Variants in BCAS3 observed in about 807,000 individuals in gnomAD.
The protein encoded by BCAS3 is BCAS3 microtubule associated cell migration factor, also known as BCAS4/BCAS3 fusion.
BCAS3 carries 53 observed loss-of-function variants against 116.1 expected under a neutral mutation model. That is an observed-to-expected ratio of 0.46 (90% CI 0.37 to 0.57). The LOEUF (loss-of-function observed/expected upper bound fraction) is 0.57, where lower values mean the gene tolerates loss of function less well. Ranked by LOEUF, BCAS3 falls within the 20% of genes least tolerant of loss-of-function variation. The probability of loss-of-function intolerance (pLI) is 0.00; values close to 1 mark genes in which losing one functional copy is unlikely to be tolerated. For synonymous variants in BCAS3, 391 were observed against 408.2 expected, an observed-to-expected ratio of 0.96 and a Z score of 0.51; for missense variants, 917 against 1,165.4, an observed-to-expected ratio of 0.79 and a Z score of 3.10.
At chr17:60,776,410 A>G (rs191614791) in intron 6 of BCAS3, among the ~76,000 whole-genome samples, 237 of 152,216 alleles carry the variant, frequency 1.6e-3, no homozygotes, top group African/African-American at 5.3e-3. Flanking sequence ...TCCTTCTTTA[A>G]CCTATCTTAT....
chr17:61,216,777 C>G (rs1373913704), intron 22 of BCAS3, among the ~76,000 whole-genome samples: 1 of 151,338 alleles, frequency 6.6e-6, no homozygotes, highest in Non-Finnish European at 1.5e-5. Context: ...CTCCTGACCT[C>G]AGGATCCACC....
Position 60,689,682 on chromosome 17 carries a change from G to A in BCAS3, c.139-4G>A. 1.3e-6 allele frequency: 2 copies of A among 1,582,202 alleles called. No homozygotes were observed. The highest frequency in any genetic ancestry group is 1.7e-6 in the Non-Finnish European group (2 of 1,156,054). On this transcript the variant is annotated splice_polypyrimidine_tract_variant and splice_region_variant and intron_variant, in intron 3 of 23. Transcript: ENST00000407086. Reference sequence around the variant, plus strand: ...TTATTCAAATGTTTCTGTTTACTATGCAGGCTTACAGTGGAACACCTCTAA... The same window carrying A: ...TTATTCAAATGTTTCTGTTTACTATACAGGCTTACAGTGGAACACCTCTAA...
intron 22 of BCAS3, among the ~76,000 whole-genome samples, chr17:61,207,838 A>G (rs2081233635): frequency 6.6e-6 from 1 of 152,186 alleles, no homozygotes; most frequent in Admixed American, 6.5e-5. Flanking sequence ...TAAGAGAAAT[A>G]AGGTACATAT....
chr17:60,909,636 G>A (rs1375682834), intron 11 of BCAS3, among the ~76,000 whole-genome samples: 2 of 151,914 alleles, frequency 1.3e-5, no homozygotes, highest in Non-Finnish European at 2.9e-5. Flanking sequence ...CTTTATTTTA[G>A]CTTTCTTCCT....
chr17:61,238,167 C>T (rs1602108110), intron 22 of BCAS3, among the ~76,000 whole-genome samples: 1 of 152,172 alleles, frequency 6.6e-6, no homozygotes, highest in Middle Eastern at 3.4e-3. Context: ...ATTTTCCTAC[C>T]TCAGCCTCCT....
chr17:61,045,865 AAATATATATAAATATATAT>A (rs2068039845), intron 19 of BCAS3, among the ~76,000 whole-genome samples: 1 of 3,964 alleles, frequency 2.5e-4, no homozygotes, highest in African/African-American at 8.8e-4. Context: ...ATATATATAT[AAATATATATAAATATATAT>A]TATATATATA....
chr17:61,263,731 T>C (rs1190891035), intron 22 of BCAS3, among the ~76,000 whole-genome samples: 1 of 152,214 alleles, frequency 6.6e-6, no homozygotes, highest in Non-Finnish European at 1.5e-5. Context: ...TATTAACATG[T>C]ATTATAAAGC....
At chr17:60,697,931 G>A (rs1395109820) in intron 4 of BCAS3, among the ~76,000 whole-genome samples, 1 of 152,170 alleles carries the variant, frequency 6.6e-6, no homozygotes, top group Non-Finnish European at 1.5e-5. Context: ...TGTAATCCCA[G>A]CACTTTGGGA....
chr17:61,220,524 G>A lies in BCAS3; in HGVS notation c.2425+135960G>A, dbSNP rs1258582071. ...TAATGACTTAAAACTTCAAATTTTA[G>A]GATTAAACAGAATGGATATCCACTC... On this transcript the variant is annotated intron_variant, in intron 22 of 23. Coordinates refer to ENST00000407086, the MANE Select transcript of BCAS3 (RefSeq NM_017679.5). This position sits in a 1 kb window ranked among gnomAD's most constrained non-coding sequence, Gnocchi z 4.5. 6.6e-6 allele frequency among the ~76,000 whole-genome samples: 1 copy of A among 152,082 alleles called. No individual in the cohort carries two copies. Among genetic ancestry groups the A allele is most frequent in the East Asian group, 1.9e-4 (1 of 5,180 alleles).
intron 2 of BCAS3, among the ~76,000 whole-genome samples, chr17:60,682,023 C>G (rs139139030): frequency 6.6e-6 from 1 of 152,140 alleles, no homozygotes; most frequent in Non-Finnish European, 1.5e-5. Flanking sequence ...AGCCACCGCG[C>G]CCGGCCTAAT....
intron 5 of BCAS3, among the ~76,000 whole-genome samples, chr17:60,712,344 C>A (rs1306741704): frequency 1.3e-5 from 2 of 151,512 alleles, no homozygotes; most frequent in East Asian, 1.9e-4. Flanking sequence ...CCACTGCACT[C>A]CAGCCTGGGT....
At chr17:61,147,177 C>T (rs892615555) in intron 22 of BCAS3, among the ~76,000 whole-genome samples, 3 of 152,044 alleles carry the variant, frequency 2.0e-5, no homozygotes, top group African/African-American at 4.8e-5. Flanking sequence ...CAGGTTCAAG[C>T]GATTCTCGTG....
rs374270128 is a variant in BCAS3 at position 61,298,822 on chromosome 17, A to AT, written c.2426-69503dup. On this transcript the variant is annotated intron_variant, in intron 22 of 23. Coordinates refer to ENST00000407086, the MANE Select transcript of BCAS3 (RefSeq NM_017679.5). Reference sequence around the variant, plus strand: ...TATTTATTTATTTATTTATTTATTTATTATTATTATTATTATTTGAGATGG... The same window carrying AT: ...TATTTATTTATTTATTTATTTATTTATTTATTATTATTATTATTTGAGATGG... 4.1e-3 allele frequency among the ~76,000 whole-genome samples: 560 copies of AT among 135,046 alleles called. 3 individuals are homozygous for AT. The highest frequency in any genetic ancestry group is 0.02 in the Middle Eastern group (5 of 254). The allele number at this position is 135,046 out of a possible 152,430, so 88.6% of individuals were successfully genotyped here.
At chr17:60,779,992 ATTTTTTT>A (rs531877992) in intron 6 of BCAS3, among the ~76,000 whole-genome samples, 2 of 143,952 alleles carry the variant, frequency 1.4e-5, no homozygotes, top group East Asian at 4.0e-4. Flanking sequence ...ACTATTTTTA[ATTTTTTT>A]TTTTTTTTGA....
chr17:61,128,250 C>T lies in BCAS3; in HGVS notation c.2425+43686C>T, dbSNP rs2076148742. ...ATGAAGCCCATGCAATGAGGACAGC[C>T]TAGGCCGTGTTAGGCTTTGACTTAA... is the stretch of plus-strand genomic sequence containing the variant. On this transcript the variant is annotated intron_variant, in intron 22 of 23. Transcript: ENST00000407086. The surrounding 1 kb of genome is among the most constrained non-coding windows in gnomAD (Gnocchi z 4.1). 1.0e-6 allele frequency: 1 copy of T among 985,372 alleles called. No homozygotes were observed. Among genetic ancestry groups the T allele is most frequent in the Non-Finnish European group, 1.2e-6 (1 of 829,910 alleles). The allele number at this position is 985,372 out of a possible 1,614,324, so 61.0% of individuals were successfully genotyped here.
intron 7 of BCAS3, among the ~76,000 whole-genome samples, chr17:60,845,689 T>A (rs1490467127): frequency 1.3e-5 from 2 of 152,166 alleles, no homozygotes; most frequent in East Asian, 3.8e-4. Flanking sequence ...GTATAAAAAA[T>A]TTTGAAAATG....
chr17:60,925,515 G>T (rs1023574679), intron 13 of BCAS3, among the ~76,000 whole-genome samples: 5 of 152,098 alleles, frequency 3.3e-5, no homozygotes, highest in African/African-American at 1.2e-4. Context: ...ATGTCATTTT[G>T]ACATTATTTC....
intron 9 of BCAS3, among the ~76,000 whole-genome samples, chr17:60,888,586 T>A (rs1274579717): frequency 6.6e-6 from 1 of 152,164 alleles, no homozygotes; most frequent in Admixed American, 6.5e-5. Flanking sequence ...TATTACAGTA[T>A]GTTGTCTTTT....
intron 22 of BCAS3, among the ~76,000 whole-genome samples, chr17:61,147,568 T>A (rs2077297179): frequency 3.9e-5 from 6 of 152,244 alleles, no homozygotes; most frequent in Admixed American, 3.9e-4. Context: ...GATTTCTGTT[T>A]CTCAAAGTGT....
Sources: gnomAD v4.1 joint callset for allele counts (sites outside exome capture counted in the v4.1 genomes callset) on GRCh38, gnomAD v4.1.1 for gene constraint, Gnocchi (gnomAD v3.1) non-coding constraint, MANE v1.5 for transcripts, NCBI Gene and HGNC (gene_info 2026-07-23, HGNC 2026-07-21) for gene names.